The following SEMA6D variants were observed in gnomAD, a reference collection of about 807,000 sequenced individuals.
The protein encoded by SEMA6D is semaphorin 6D, also known as semaphorin-6D.
Under a neutral mutation model 106.6 loss-of-function variants are expected in SEMA6D, and 35 were observed. That is an observed-to-expected ratio of 0.33 (90% CI 0.25 to 0.44). The LOEUF (loss-of-function observed/expected upper bound fraction) is 0.44, where lower values mean the gene tolerates loss of function less well. Ranked by LOEUF, SEMA6D falls within the 20% of genes least tolerant of loss-of-function variation. The pLI is 1.00. For synonymous variants in SEMA6D, 499 were observed against 487.7 expected, an observed-to-expected ratio of 1.02 and a Z score of -0.31; for missense variants, 1,185 against 1,345.9, an observed-to-expected ratio of 0.88 and a Z score of 1.87.
intron 1 of SEMA6D, among the ~76,000 whole-genome samples, chr15:47,209,797 C>A (rs1213361181): frequency 1.3e-5 from 2 of 152,074 alleles, no homozygotes; most frequent in Non-Finnish European, 2.9e-5. Context: ...CAAATGTTGC[C>A]AATCCTAACT....
At chr15:47,667,179 C>T (rs1268162274) in intron 4 of SEMA6D, among the ~76,000 whole-genome samples, 1 of 152,128 alleles carries the variant, frequency 6.6e-6, no homozygotes, top group Non-Finnish European at 1.5e-5. Context: ...AATCCGTGGG[C>T]ATAAGAAAAC....
intron 3 of SEMA6D, among the ~76,000 whole-genome samples, chr15:47,549,484 G>A (rs1355674299): frequency 6.6e-6 from 1 of 152,134 alleles, no homozygotes; most frequent in Admixed American, 6.6e-5. Context: ...ACTGTATAGT[G>A]AGCCTGTGGT....
intron 3 of SEMA6D, among the ~76,000 whole-genome samples, chr15:47,532,117 A>G (rs996472211): frequency 3.9e-5 from 6 of 152,178 alleles, no homozygotes; most frequent in Admixed American, 2.6e-4. Context: ...TCAAGCCTCA[A>G]TGTAAAATCA....
intron 3 of SEMA6D, among the ~76,000 whole-genome samples, chr15:47,548,181 C>T (rs1596295069): frequency 6.6e-6 from 1 of 152,108 alleles, no homozygotes; most frequent in East Asian, 1.9e-4. Context: ...TGGGAATCCC[C>T]AGCGATGGGC....
intron 1 of SEMA6D, among the ~76,000 whole-genome samples, chr15:47,195,986 T>C (rs963097025): frequency 5.9e-5 from 9 of 151,304 alleles, no homozygotes; most frequent in African/African-American, 2.2e-4. Context: ...TGGCCTCAGG[T>C]GCTCCACAGC....
At chr15:47,512,377 T>C (rs934315316) in intron 3 of SEMA6D, among the ~76,000 whole-genome samples, 1 of 152,220 alleles carries the variant, frequency 6.6e-6, no homozygotes, top group Non-Finnish European at 1.5e-5. Context: ...CCATGCATCA[T>C]GCGCAATATC....
At chr15:47,447,726 T>C (rs2042070662) in intron 2 of SEMA6D, among the ~76,000 whole-genome samples, 1 of 152,134 alleles carries the variant, frequency 6.6e-6, no homozygotes, top group Non-Finnish European at 1.5e-5. Context: ...GAGGGGGCAG[T>C]GGGAACCCCA....
At chr15:47,446,773 C>A (rs1260696823) in intron 2 of SEMA6D, among the ~76,000 whole-genome samples, 1 of 152,066 alleles carries the variant, frequency 6.6e-6, no homozygotes. Context: ...CATCACCTAC[C>A]TTAATTTTAA....
chr15:47,626,084 T>C lies in SEMA6D; in HGVS notation c.-55+25188T>C, dbSNP rs2077196849. 2.6e-5 allele frequency among the ~76,000 whole-genome samples: 4 copies of C among 152,146 alleles called. No individual in the cohort carries two copies. In the South Asian group the frequency reaches 8.3e-4, roughly 31 times the overall value. ...AAATATATAACTTGTGCCCAATTTA[T>C]AGGCTTTCTAGGCAGGTAGAGTTGG... is the stretch of plus-strand genomic sequence containing the variant. On this transcript the variant is annotated intron_variant, in intron 4 of 19. Coordinates refer to the SEMA6D transcript ENST00000558014.
chr15:47,625,932 T>C (rs556569994), intron 4 of SEMA6D, among the ~76,000 whole-genome samples: 1 of 152,148 alleles, frequency 6.6e-6, no homozygotes, highest in East Asian at 1.9e-4. Context: ...ATATCTTATT[T>C]TGAAGGCCAT....
intron 3 of SEMA6D, among the ~76,000 whole-genome samples, chr15:47,507,329 C>A: frequency 6.6e-6 from 1 of 151,538 alleles, no homozygotes; most frequent in Admixed American, 6.6e-5. Context: ...TCTGGGCTCT[C>A]AAGTGGGACA....
intron 1 of SEMA6D, among the ~76,000 whole-genome samples, chr15:47,263,070 G>A (rs2034151808): frequency 6.6e-6 from 1 of 151,950 alleles, no homozygotes; most frequent in African/African-American, 2.4e-5. Flanking sequence ...AAAGATAAAT[G>A]TAAAACCCAA....
intron 4 of SEMA6D, chr15:47,606,261 T>G (rs2076780287): frequency 6.6e-6 from 1 of 152,154 alleles, no homozygotes; most frequent in Middle Eastern, 3.2e-3. Flanking sequence ...TCCTTACATT[T>G]GGATGGGGCT....
intron 1 of SEMA6D, among the ~76,000 whole-genome samples, chr15:47,330,366 A>G (rs2037296520): frequency 6.6e-6 from 1 of 152,212 alleles, no homozygotes; most frequent in Non-Finnish European, 1.5e-5. Context: ...AGAAGGGATC[A>G]TTAAATAGGT....
At chr15:47,402,525 C>G (rs1344206733) in intron 1 of SEMA6D, among the ~76,000 whole-genome samples, 1 of 152,140 alleles carries the variant, frequency 6.6e-6, no homozygotes, top group Non-Finnish European at 1.5e-5. Flanking sequence ...TTTTCAAATT[C>G]GTAAAGGATA....
intron 2 of SEMA6D, among the ~76,000 whole-genome samples, chr15:47,430,134 T>G (rs370937720): frequency 6.6e-6 from 1 of 152,254 alleles, no homozygotes; most frequent in South Asian, 2.1e-4. Context: ...CCAGCCACTC[T>G]TGGACTTTAG....
chr15:47,580,596 A>G (rs529536660), intron 3 of SEMA6D, among the ~76,000 whole-genome samples: 7 of 152,300 alleles, frequency 4.6e-5, no homozygotes, highest in South Asian at 2.1e-4. Context: ...TATCACTACC[A>G]TGTGCAAAGA....
chr15:47,318,424 C>G (rs1171887783), intron 1 of SEMA6D, among the ~76,000 whole-genome samples: 1 of 115,976 alleles, frequency 8.6e-6, no homozygotes, highest in Non-Finnish European at 1.8e-5. Flanking sequence ...CCCCTCCCCC[C>G]ACCCCACAAC....
At chr15:47,375,116 C>T (rs572814149) in intron 1 of SEMA6D, among the ~76,000 whole-genome samples, 15 of 152,250 alleles carry the variant, frequency 9.9e-5, no homozygotes, top group South Asian at 4.1e-4. Flanking sequence ...GCTGACTAGC[C>T]GTGCTAGGGA....
Sources: allele counts gnomAD v4.1 joint callset (sites outside exome capture counted in the v4.1 genomes callset), GRCh38; gene constraint gnomAD v4.1.1; transcripts MANE v1.5; gene names NCBI Gene and HGNC (gene_info 2026-07-23, HGNC 2026-07-21).